The following SLC22A16 variants were observed in gnomAD, a reference collection of about 807,000 sequenced individuals.
The protein encoded by SLC22A16 is WUGSC:RG331P03.1.
A neutral mutation model predicts 52.9 loss-of-function variants in SLC22A16; 53 were observed. The observed-to-expected ratio is 1.00, with a 90% CI of 0.80 to 1.26. The LOEUF (loss-of-function observed/expected upper bound fraction) is 1.26. SLC22A16 is among the 50% of genes most tolerant of loss of function. SLC22A16 has a pLI of 0.00. For synonymous variants in SLC22A16, 291 were observed against 268.8 expected (o/e 1.08, Z -0.81); for missense variants, 726 against 704.0 (o/e 1.03, Z -0.35).
chr6:110,463,210 A>G (rs896223076), intron 1 of SLC22A16, among the ~76,000 whole-genome samples: 2 of 152,126 alleles, frequency 1.3e-5, no homozygotes, highest in African/African-American at 4.8e-5. Context: ...TAAAGCAATT[A>G]CACAATTGAC....
At chr6:110,434,157 C>T (rs914047830) in intron 6 of SLC22A16, among the ~76,000 whole-genome samples, 1 of 151,990 alleles carries the variant, frequency 6.6e-6, no homozygotes, top group Non-Finnish European at 1.5e-5. Flanking sequence ...GGAGAATCAC[C>T]TGAACCTGGG....
chr6:110,476,102 G>A (rs1407347749), intron 1 of SLC22A16: 2 of 433,890 alleles, frequency 4.6e-6, no homozygotes, highest in East Asian at 1.4e-4. Context: ...CTACGGAGGC[G>A]CAGGGCAGAA....
chr6:110,475,222 G>A (rs1041295388), intron 1 of SLC22A16, among the ~76,000 whole-genome samples: 2 of 152,168 alleles, frequency 1.3e-5, no homozygotes, highest in African/African-American at 2.4e-5. Context: ...TCACCTAACC[G>A]TGCTCAGGAG....
Position 110,476,597 on chromosome 6 carries a change from C to A in SLC22A16, c.-23G>T. Reference sequence around the variant, plus strand: ...CATGGTGCGGCCGTGCACTGGGCGCCGAGTTAGCCGAGCTCCGGGGACTGC... The same window carrying A: ...CATGGTGCGGCCGTGCACTGGGCGCAGAGTTAGCCGAGCTCCGGGGACTGC... On this transcript the variant is annotated 5_prime_UTR_variant, in exon 1 of 8. Transcript: ENST00000368919. 1 of 1,522,352 alleles carries A rather than the reference C, an allele frequency of 6.6e-7. No homozygotes were observed. The highest frequency in any genetic ancestry group is 8.8e-7 in the Non-Finnish European group (1 of 1,136,156). The allele number at this position is 1,522,352 out of a possible 1,614,324, so 94.3% of individuals were successfully genotyped here.
intron 4 of SLC22A16, chr6:110,439,950 A>C (rs1305402505): frequency 3.3e-5 from 5 of 152,236 alleles, no homozygotes; most frequent in African/African-American, 1.2e-4. Flanking sequence ...CAGATAGCCA[A>C]GGCATATTAA....
At chr6:110,474,295 G>A (rs1298909163) in intron 1 of SLC22A16, among the ~76,000 whole-genome samples, 1 of 152,122 alleles carries the variant, frequency 6.6e-6, no homozygotes, top group Non-Finnish European at 1.5e-5. Context: ...AGTCCCTGGT[G>A]CTAAAAAGGT....
In SLC22A16 at chr6:110,424,928, C is replaced by G. The variant is rs543426030; in HGVS notation, c.1679G>C (p.Ser560Thr). ...SSKLLLTTNN[S>T]GLEKTEAITP... is the part of the protein sequence containing the mutation. Reference sequence around the variant, plus strand: ...AATCGCTTCCGTTTTTTCCAGCCCACTATTATTAGTTGTGAGAAGTAATTT... The same window carrying G: ...AATCGCTTCCGTTTTTTCCAGCCCAGTATTATTAGTTGTGAGAAGTAATTT... Residue 560 changes from serine (S) to threonine (T), a missense_variant, in exon 8 of 8, where the codon AGT (serine) becomes ACT (threonine). Coordinates refer to ENST00000368919, the MANE Select transcript of SLC22A16 (RefSeq NM_033125.4). 1 of 1,613,986 alleles carries G rather than the reference C, an allele frequency of 6.2e-7. No individual in the cohort carries two copies. Among genetic ancestry groups the G allele is most frequent in the Admixed American group, 1.7e-5 (1 of 59,990 alleles).
At position 110,438,044 on chromosome 6, in the gene SLC22A16, G is replaced by A. The variant is rs532163891; in HGVS notation, c.1311+676C>T. 3.3e-5 allele frequency among the ~76,000 whole-genome samples: 5 copies of A among 151,962 alleles called. No individual in the cohort carries two copies. The South Asian group carries it at 8.3e-4, about 25-fold the overall frequency. ...TCATTCAGGTTTCTGATTACATGTC[G>A]CCTCCTCCGAGAGGTGCACCATCCT... On this transcript the variant is annotated intron_variant, in intron 5 of 7. Coordinates refer to ENST00000368919, the MANE Select transcript of SLC22A16 (RefSeq NM_033125.4).
At chr6:110,464,715 CA>C (rs1776003324) in intron 1 of SLC22A16, among the ~76,000 whole-genome samples, 1 of 151,880 alleles carries the variant, frequency 6.6e-6, no homozygotes, top group Non-Finnish European at 1.5e-5. Context: ...ATCAGATGTA[CA>C]AAGAGCTAGA....
rs149948718 is a variant in SLC22A16 at position 110,442,302 on chromosome 6, C to T, written c.1125G>A (p.Ser375=). 21 of 1,614,136 alleles carry T rather than the reference C, an allele frequency of 1.3e-5. No individual in the cohort carries two copies. The African/African-American group carries it at 1.7e-4, about 13-fold the overall frequency. The change falls in exon 4 of 8, where the codon TCG becomes TCA. Residue 375 remains serine, a synonymous_variant. Coordinates refer to ENST00000368919, the MANE Select transcript of SLC22A16 (RefSeq NM_033125.4). The stretch of plus-strand genomic sequence containing the variant: ...CTAAGTTAACAGAATTCAAGGAAAA[C>T]GAGTAGAATCCCAAACTTCCAGTGA... The part of the protein sequence containing the change: ...IWFTGSLGFY[S]FSLNSVNLGG...
At chr6:110,457,066 A>G in intron 1 of SLC22A16, 49 bp from the exon 2 acceptor site, 1 of 1,494,190 alleles carries the variant, frequency 6.7e-7, no homozygotes, top group Non-Finnish European at 8.9e-7. Flanking sequence ...TAGGCTGAAA[A>G]AGAACATAAG....
intron 1 of SLC22A16, among the ~76,000 whole-genome samples, chr6:110,460,129 T>C (rs1775813648): frequency 6.6e-6 from 1 of 152,198 alleles, no homozygotes; most frequent in African/African-American, 2.4e-5. Context: ...ACACATGTGA[T>C]CTCCATCGCC....
At position 110,433,713 on chromosome 6, in the gene SLC22A16, C is replaced by T. The variant is rs538537161; in HGVS notation, c.1421+2139G>A. ...CCATTAAGATTGGGTCTTTAATAGGCTAAGAAATTATCCAAGCTAACAAAT... is the reference window on the plus strand; with the variant it reads ...CCATTAAGATTGGGTCTTTAATAGGTTAAGAAATTATCCAAGCTAACAAAT... On this transcript the variant is annotated intron_variant, in intron 6 of 7. Coordinates refer to ENST00000368919, the MANE Select transcript of SLC22A16 (RefSeq NM_033125.4). Among the ~76,000 whole-genome samples the T allele has an allele frequency of 4.6e-5, 7 of 152,194 alleles. No homozygotes were observed. The South Asian group carries it at 1.5e-3, about 32-fold the overall frequency.
chr6:110,456,800 G>A lies in SLC22A16; in HGVS notation c.271C>T (p.Gln91Ter). 2 of 1,614,122 alleles carry A rather than the reference G, an allele frequency of 1.2e-6. No individual in the cohort carries two copies. The highest frequency in any genetic ancestry group is 2.2e-5 in the South Asian group (2 of 91,082). The change falls in exon 2 of 8, where the codon CAG becomes TAG. Residue 91 changes from glutamine to a stop codon, truncating the protein, a stop_gained. Coordinates refer to ENST00000368919, the MANE Select transcript of SLC22A16 (RefSeq NM_033125.4). LOFTEE classifies it high-confidence loss of function. ...GQKDYVTVQL[Q>*]NGEIWELSRC... is the part of the protein sequence containing the mutation. ...GAGAGCTCCCAGATCTCACCATTCT[G>A]CAACTGCACCGTAACATAATCTTTC...
Position 110,446,969 on chromosome 6 carries a change from C to G in SLC22A16, c.555G>C (p.Leu185Phe). ...FSDRLGRRVV[L>F]WATSSSMFLF... Reference sequence around the variant, plus strand: ...AAAACATGCTACTGCTTGTGGCCCACAAGACCACCCGGCGTCCTAGCCTGA... The same window carrying G: ...AAAACATGCTACTGCTTGTGGCCCAGAAGACCACCCGGCGTCCTAGCCTGA... The change falls in exon 3 of 8, where the codon TTG (leucine) becomes TTC (phenylalanine). Residue 185 changes from leucine to phenylalanine, a missense_variant. Physicochemically the swap from Leu to Phe is conservative, Grantham distance 22 (BLOSUM62 0). Coordinates refer to ENST00000368919, the MANE Select transcript of SLC22A16 (RefSeq NM_033125.4). 1 of 1,613,748 alleles carries G rather than the reference C, an allele frequency of 6.2e-7. No homozygotes were observed. The highest frequency in any genetic ancestry group is 8.5e-7 in the Non-Finnish European group (1 of 1,179,848).
At chr6:110,475,142 C>G (rs1776416028) in intron 1 of SLC22A16, 1 of 376,778 alleles carries the variant, frequency 2.7e-6, no homozygotes, top group South Asian at 2.0e-5. Context: ...CTTTTAACCT[C>G]TGTGCTATTC....
At chr6:110,436,052 T>C (rs1774716774) in intron 5 of SLC22A16, 91 bp from the exon 6 acceptor site, 1 of 807,438 alleles carries the variant, frequency 1.2e-6, no homozygotes, top group Non-Finnish European at 2.0e-6. Flanking sequence ...AACATTCTAA[T>C]TCCTTCAGTA....
intron 1 of SLC22A16, among the ~76,000 whole-genome samples, chr6:110,463,063 A>G (rs1355699727): frequency 6.6e-6 from 1 of 152,132 alleles, no homozygotes; most frequent in Non-Finnish European, 1.5e-5. Context: ...TCTTTCCCAG[A>G]CAAGCAAACA....
At chr6:110,433,049 C>A (rs538401799) in intron 6 of SLC22A16, among the ~76,000 whole-genome samples, 1 of 152,114 alleles carries the variant, frequency 6.6e-6, no homozygotes, top group Non-Finnish European at 1.5e-5. Context: ...AGTTCCACAA[C>A]CTGTAAAATG....
Sources: allele counts gnomAD v4.1 joint callset (sites outside exome capture counted in the v4.1 genomes callset), GRCh38; gene constraint gnomAD v4.1.1; transcripts MANE v1.5; gene names NCBI Gene and HGNC (gene_info 2026-07-23, HGNC 2026-07-21).